DPP10: variants seen among roughly 807,000 people sequenced by gnomAD.
The protein encoded by DPP10 is inactive dipeptidyl peptidase 10.
In DPP10, 33 loss-of-function variants were observed where a neutral mutation model predicts 120.9. The ratio of observed to expected loss-of-function variants is 0.27; its 90% confidence interval spans 0.21 to 0.37. The LOEUF (loss-of-function observed/expected upper bound fraction) is 0.37, where lower values mean the gene tolerates loss of function less well. Among genes scored for constraint, DPP10 ranks in the 10% least tolerant of loss-of-function variants. The probability of loss-of-function intolerance (pLI) is 1.00; values close to 1 mark genes in which losing one functional copy is unlikely to be tolerated. For missense variants in DPP10, 816 were observed against 942.8 expected, an observed-to-expected ratio of 0.87 and a Z score of 1.76; for synonymous variants, 337 against 326.1, an observed-to-expected ratio of 1.03 and a Z score of -0.36.
intron 1 of DPP10, among the ~76,000 whole-genome samples, chr2:114,654,824 G>A (rs922591701): frequency 2.6e-5 from 4 of 152,112 alleles, no homozygotes; most frequent in African/African-American, 9.7e-5. Context: ...GGCACAACTG[G>A]ACTAGGGGAA....
Position 115,783,870 on chromosome 2 carries a change from C to T in DPP10, c.1531+1471C>T, listed in dbSNP as rs140977142. 4.8e-3 allele frequency among the ~76,000 whole-genome samples: 732 copies of T among 152,052 alleles called. 8 individuals are homozygous for T. Among genetic ancestry groups the T allele is most frequent in the African/African-American group, 0.016 (649 of 41,466 alleles). On this transcript the variant is annotated intron_variant, in intron 17 of 25. Coordinates refer to ENST00000410059, the MANE Select transcript of DPP10 (RefSeq NM_020868.6). ...AACATCTCAAAACATCAGTGTCCTC[C>T]GAGACAAATAAACAAATGTGTTTGC...
At chr2:114,711,300 C>A (rs1357518375) in intron 1 of DPP10, among the ~76,000 whole-genome samples, 1 of 152,128 alleles carries the variant, frequency 6.6e-6, no homozygotes, top group African/African-American at 2.4e-5. Flanking sequence ...TCCAGCTCAG[C>A]AGACTAACAA....
chr2:114,753,733 C>A (rs1276103806), intron 1 of DPP10, among the ~76,000 whole-genome samples: 1 of 151,396 alleles, frequency 6.6e-6, no homozygotes, highest in Admixed American at 6.6e-5. Flanking sequence ...CACGGTGAAA[C>A]CCCATCTATA....
chr2:115,207,011 C>T (rs896635824), intron 1 of DPP10, among the ~76,000 whole-genome samples: 3 of 152,156 alleles, frequency 2.0e-5, no homozygotes, highest in Admixed American at 6.6e-5. Flanking sequence ...ACAAGTGTTT[C>T]GTTGACTGTT....
At chr2:115,794,130 C>T (rs1441492425) in intron 19 of DPP10, among the ~76,000 whole-genome samples, 4 of 152,026 alleles carry the variant, frequency 2.6e-5, no homozygotes, top group East Asian at 1.9e-4. Context: ...AACAATAGAG[C>T]GACTATTATT....
chr2:114,933,882 A>G (rs1286203893), intron 1 of DPP10, among the ~76,000 whole-genome samples: 2 of 152,162 alleles, frequency 1.3e-5, no homozygotes, highest in Non-Finnish European at 2.9e-5. Flanking sequence ...GTTAGTCACC[A>G]CACATTGAGA....
intron 1 of DPP10, among the ~76,000 whole-genome samples, chr2:115,183,553 C>T (rs181143569): frequency 1.6e-4 from 24 of 152,232 alleles, no homozygotes; most frequent in African/African-American, 5.8e-4. Context: ...TGTGAATTTG[C>T]ATTTGTAGTA....
At chr2:115,794,934 C>CT (rs1684379488) in intron 19 of DPP10, among the ~76,000 whole-genome samples, 1 of 152,064 alleles carries the variant, frequency 6.6e-6, no homozygotes, top group Non-Finnish European at 1.5e-5. Context: ...GTGTTAATGG[C>CT]TATGGGGAGA....
intron 1 of DPP10, among the ~76,000 whole-genome samples, chr2:115,287,238 C>T (rs997258202): frequency 2.0e-5 from 3 of 151,850 alleles, no homozygotes; most frequent in South Asian, 2.1e-4. Context: ...AAGTAATAGT[C>T]GAGTCATTTG....
intron 5 of DPP10, among the ~76,000 whole-genome samples, chr2:115,631,115 A>C (rs1250296957): frequency 1.4e-5 from 2 of 137,964 alleles, no homozygotes; most frequent in African/African-American, 5.9e-5. Context: ...TTATTGGACT[A>C]TTCAAGGATT....
At chr2:114,612,369 G>C (rs1693351334) in intron 1 of DPP10, among the ~76,000 whole-genome samples, 1 of 152,126 alleles carries the variant, frequency 6.6e-6, no homozygotes, top group Non-Finnish European at 1.5e-5. Flanking sequence ...CCACAGGCAG[G>C]GCTAAGCAAC....
intron 1 of DPP10, among the ~76,000 whole-genome samples, chr2:114,863,359 A>G (rs1343135165): frequency 6.6e-6 from 1 of 152,146 alleles, no homozygotes; most frequent in East Asian, 1.9e-4. Flanking sequence ...GATTTTCTTT[A>G]TTTCTAGGGT....
chr2:115,071,247 C>G (rs1017014034), intron 1 of DPP10, among the ~76,000 whole-genome samples: 1 of 152,072 alleles, frequency 6.6e-6, no homozygotes, highest in Non-Finnish European at 1.5e-5. Context: ...TTGTCATTCT[C>G]TTTGTTCTAT....
intron 3 of DPP10, among the ~76,000 whole-genome samples, chr2:115,457,328 T>G (rs843443): frequency 0.83 from 125,811 of 151,986 alleles, 55,129 homozygotes; most frequent in Non-Finnish European, 0.97. Context: ...GACTACCAGA[T>G]AATCTTTTAC....
Position 115,173,971 on chromosome 2 carries a change from C to A in DPP10, c.61-135268C>A, listed in dbSNP as rs532702342. Among the ~76,000 whole-genome samples, 149 of 152,248 alleles carry A rather than the reference C, an allele frequency of 9.8e-4. 1 individual carries two copies. The highest frequency in any genetic ancestry group is 2.8e-3 in the African/African-American group (118 of 41,568). ...GGTAGAAGGAGCCTCACTCAATTAT[C>A]AGAATCATAGAAATAACTTTGGATT... On this transcript the variant is annotated intron_variant, in intron 1 of 25. Transcript: ENST00000410059.
intron 5 of DPP10, among the ~76,000 whole-genome samples, chr2:115,679,499 A>G (rs1360271941): frequency 1.3e-5 from 2 of 152,128 alleles, no homozygotes; most frequent in East Asian, 3.9e-4. Context: ...GCCATTTGGA[A>G]CTGTGAGTCA....
intron 1 of DPP10, among the ~76,000 whole-genome samples, chr2:114,819,202 CT>C (rs775159249): frequency 0.022 from 3,006 of 138,668 alleles, 72 homozygotes; most frequent in African/African-American, 0.066. Flanking sequence ...ACTTACTAAG[CT>C]TTTTTTTTTT....
intron 1 of DPP10, among the ~76,000 whole-genome samples, chr2:114,992,748 A>T (rs1286576866): frequency 6.6e-6 from 1 of 152,220 alleles, no homozygotes; most frequent in Non-Finnish European, 1.5e-5. Context: ...TACTGGAGAA[A>T]ATAGTCAAAA....
intron 1 of DPP10, among the ~76,000 whole-genome samples, chr2:114,791,783 A>G (rs1683264187): frequency 6.6e-6 from 1 of 152,218 alleles, no homozygotes; most frequent in Admixed American, 6.5e-5. Context: ...TTGCTACTCC[A>G]TTCCAATATA....
Sources: allele counts gnomAD v4.1 joint callset (sites outside exome capture counted in the v4.1 genomes callset), GRCh38; gene constraint gnomAD v4.1.1; transcripts MANE v1.5; gene names NCBI Gene and HGNC (gene_info 2026-07-23, HGNC 2026-07-21).